The following SLC2A13 variants were observed in gnomAD, a reference collection of about 807,000 sequenced individuals.
The protein encoded by SLC2A13 is solute carrier family 2 member 13, also known as proton myo-inositol cotransporter.
Under a neutral mutation model 64.4 loss-of-function variants are expected in SLC2A13, and 32 were observed. The ratio of observed to expected loss-of-function variants is 0.50; its 90% confidence interval spans 0.37 to 0.67. The LOEUF (loss-of-function observed/expected upper bound fraction) is 0.67, where lower values mean the gene tolerates loss of function less well. Ranked by LOEUF, SLC2A13 falls within the 30% of genes least tolerant of loss-of-function variation. The probability of loss-of-function intolerance (pLI) is 0.00; values close to 1 mark genes in which losing one functional copy is unlikely to be tolerated. For missense variants in SLC2A13, 743 were observed against 829.2 expected (o/e 0.90, Z 1.28); for synonymous variants, 338 against 327.1 (o/e 1.03, Z -0.36).
At chr12:39,989,858 G>T (rs536059528) in intron 3 of SLC2A13, among the ~76,000 whole-genome samples, 1 of 152,154 alleles carries the variant, frequency 6.6e-6, no homozygotes, top group Admixed American at 6.5e-5. Flanking sequence ...CTGCTGTCAG[G>T]AAATTTTACA....
intron 4 of SLC2A13, among the ~76,000 whole-genome samples, chr12:39,874,677 A>G (rs1944138687): frequency 6.6e-6 from 1 of 152,030 alleles, no homozygotes; most frequent in African/African-American, 2.4e-5. Flanking sequence ...CTATAGCAGA[A>G]GCTTCTGTTA....
At chr12:39,972,632 ATCT>A (rs1946684749) in intron 3 of SLC2A13, among the ~76,000 whole-genome samples, 1 of 152,214 alleles carries the variant, frequency 6.6e-6, no homozygotes, top group Admixed American at 6.5e-5. Flanking sequence ...TATCTATTAG[ATCT>A]TCTTCATCAG....
At chr12:40,095,825 T>C (rs1256275838) in intron 1 of SLC2A13, among the ~76,000 whole-genome samples, 1 of 152,248 alleles carries the variant, frequency 6.6e-6, no homozygotes, top group Admixed American at 6.5e-5. Context: ...GCTTTTTATC[T>C]AGAATATTCT....
intron 4 of SLC2A13, among the ~76,000 whole-genome samples, chr12:39,913,760 CAT>C (rs1049701859): frequency 2.0e-5 from 3 of 151,730 alleles, no homozygotes; most frequent in African/African-American, 7.3e-5. Flanking sequence ...TGGGGAGAAA[CAT>C]ATAATCTTTC....
chr12:39,954,855 A>G (rs1946290799), intron 3 of SLC2A13, among the ~76,000 whole-genome samples: 1 of 152,198 alleles, frequency 6.6e-6, no homozygotes. Flanking sequence ...TCAAAATATT[A>G]ATACTTGAAA....
At chr12:39,962,520 C>A (rs1447580578) in intron 3 of SLC2A13, among the ~76,000 whole-genome samples, 2 of 152,202 alleles carry the variant, frequency 1.3e-5, no homozygotes, top group African/African-American at 4.8e-5. Flanking sequence ...GCATCTCTGC[C>A]TGAACTCCTC....
intron 5 of SLC2A13, among the ~76,000 whole-genome samples, chr12:39,867,416 G>A (rs993428456): frequency 1.3e-5 from 2 of 151,640 alleles, no homozygotes; most frequent in Admixed American, 6.6e-5. Flanking sequence ...GAATGGATGG[G>A]CCACCATACT....
At chr12:40,023,571 G>A (rs745453702) in intron 3 of SLC2A13, among the ~76,000 whole-genome samples, 1 of 152,202 alleles carries the variant, frequency 6.6e-6, no homozygotes, top group Non-Finnish European at 1.5e-5. Flanking sequence ...GAAGAATCCT[G>A]TCTCTTCTGT....
chr12:40,048,099 G>C lies in SLC2A13; in HGVS notation c.668C>G (p.Ala223Gly), dbSNP rs762604080. 6.2e-7 allele frequency: 1 copy of C among 1,613,388 alleles called. No homozygotes were observed. The highest frequency in any genetic ancestry group is 1.1e-5 in the South Asian group (1 of 90,990). ...TLFITGGQFF[A>G]SVVDGAFSYL... ...ACTGAAGGCTCCATCAACAACACTT[G>C]CAAAGAACTGCCCTCCTGTGATGAA... is the stretch of plus-strand genomic sequence containing the variant. Residue 223 changes from alanine (A) to glycine (G), a missense_variant, in exon 2 of 10, where the codon GCA becomes GGA. Ala to Gly is a moderately conservative substitution (Grantham distance 60, BLOSUM62 0). This residue lies in a region of SLC2A13 where 448 missense variants were observed against 447.4 expected (regional missense o/e 1.00). Transcript: ENST00000280871.
Position 39,928,195 on chromosome 12 carries a change from G to GA in SLC2A13, c.1034+23061dup, listed in dbSNP as rs1253151073. ...AAAACGCTACACATCCCATACTCTT[G>GA]AAAAAAACAAAACATCTTAACTTCA... On this transcript the variant is annotated intron_variant, in intron 4 of 9. Coordinates refer to ENST00000280871, the MANE Select transcript of SLC2A13 (RefSeq NM_052885.4). Among the ~76,000 whole-genome samples, 13 of 152,004 alleles carry GA rather than the reference G, an allele frequency of 8.6e-5. 1 individual carries two copies. In the East Asian group the frequency reaches 2.1e-3, roughly 25 times the overall value.
At chr12:39,936,516 TA>T (rs1945920465) in intron 4 of SLC2A13, among the ~76,000 whole-genome samples, 2 of 152,256 alleles carry the variant, frequency 1.3e-5, no homozygotes, top group South Asian at 4.1e-4. Flanking sequence ...TTCCTGCCTT[TA>T]GGCCCTATTT....
intron 4 of SLC2A13, among the ~76,000 whole-genome samples, chr12:39,938,326 G>A (rs539677529): frequency 6.6e-6 from 1 of 151,806 alleles, no homozygotes; most frequent in Non-Finnish European, 1.5e-5. Context: ...TTCAAATCCA[G>A]ATCTAACACC....
intron 1 of SLC2A13, among the ~76,000 whole-genome samples, chr12:40,092,822 T>C (rs570592192): frequency 6.6e-6 from 1 of 152,334 alleles, no homozygotes; most frequent in East Asian, 1.9e-4. Context: ...CAAGCCTCTT[T>C]ACAGTCTGGG....
At chr12:39,957,868 G>C (rs141174748) in intron 3 of SLC2A13, among the ~76,000 whole-genome samples, 8 of 152,106 alleles carry the variant, frequency 5.3e-5, no homozygotes, top group African/African-American at 9.7e-5. Flanking sequence ...GAAACGTGAG[G>C]AGGCCCAGCC....
chr12:39,826,854 A>ATTTTTTTTTTTTTTTTT (rs63699664), intron 7 of SLC2A13, among the ~76,000 whole-genome samples: 4 of 67,410 alleles, frequency 5.9e-5, no homozygotes, highest in Admixed American at 2.3e-4. Flanking sequence ...GTCTCTTTCA[A>ATTTTTTTTTTTTTTTTT]TTTTTTTTTT....
intron 9 of SLC2A13, among the ~76,000 whole-genome samples, chr12:39,761,224 T>G (rs1170298086): frequency 6.7e-6 from 1 of 149,782 alleles, no homozygotes; most frequent in Non-Finnish European, 1.5e-5. Flanking sequence ...ACCTCTTCTC[T>G]GGGCCTCTGT....
rs189508488 is a variant in SLC2A13, at chr12:39,870,496, A to G, written c.1198+1302T>C. Among the ~76,000 whole-genome samples, 208 of 152,312 alleles carry G rather than the reference A, an allele frequency of 1.4e-3. 1 individual carries two copies. The highest frequency in any genetic ancestry group is 2.7e-3 in the Admixed American group (42 of 15,302). On this transcript the variant is annotated intron_variant, in intron 5 of 9. Coordinates refer to ENST00000280871, the MANE Select transcript of SLC2A13 (RefSeq NM_052885.4). ...ATATTAAGTAAAAATCTGTGTCCTC[A>G]TAACATCTACTATCTGCTAAAATAA... is the stretch of plus-strand genomic sequence containing the variant.
intron 1 of SLC2A13, among the ~76,000 whole-genome samples, chr12:40,103,147 G>A (rs528168811): frequency 3.9e-5 from 6 of 152,116 alleles, no homozygotes; most frequent in Non-Finnish European, 8.8e-5. Flanking sequence ...AGACAGAGAG[G>A]CCTCCACAGC....
chr12:39,810,802 A>G (rs1344119370), intron 7 of SLC2A13, among the ~76,000 whole-genome samples: 1 of 152,150 alleles, frequency 6.6e-6, no homozygotes, highest in Non-Finnish European at 1.5e-5. Flanking sequence ...TAAATCAACC[A>G]TGAATTCCTT....
Sources: allele counts gnomAD v4.1 joint callset (sites outside exome capture counted in the v4.1 genomes callset), GRCh38; gene constraint gnomAD v4.1.1; regional missense constraint gnomAD v4.1.1; transcripts MANE v1.5; gene names NCBI Gene and HGNC (gene_info 2026-07-23, HGNC 2026-07-21).